The following FLT1 variants were observed in gnomAD, a reference collection of about 807,000 sequenced individuals.
FLT1 encodes vascular endothelial growth factor receptor 1.
FLT1 carries 49 observed loss-of-function variants against 156.3 expected under a neutral mutation model. The ratio of observed to expected loss-of-function variants is 0.31; its 90% CI spans 0.25 to 0.40. The LOEUF (loss-of-function observed/expected upper bound fraction) is 0.40, where lower values mean the gene tolerates loss of function less well. FLT1 is among the 10% of genes least tolerant of loss of function. FLT1 has a pLI of 1.00. For synonymous variants in FLT1, 594 were observed against 583.8 expected (o/e 1.02, Z -0.25); for missense variants, 1,322 against 1,637.2 (o/e 0.81, Z 3.32).
At position 28,321,487 on chromosome 13, in the gene FLT1, G is replaced by A. The variant is rs2138830050; in HGVS notation, c.3150C>T (p.Asn1050=). 1 of 1,614,090 alleles carries A rather than the reference G, an allele frequency of 6.2e-7. No individual in the cohort carries two copies. The highest frequency in any genetic ancestry group is 8.5e-7 in the Non-Finnish European group (1 of 1,179,970). The change falls in exon 23 of 30, where the codon AAC becomes AAT. Residue 1050 remains asparagine (N), a synonymous_variant. Coordinates refer to ENST00000282397, the MANE Select transcript of FLT1 (RefSeq NM_002019.4). ...DFGLARDIYK[N]PDYVRKGDTR... is the part of the protein sequence containing the mutation. ...CATCTCCTTTTCTCACATAATCGGGGTTCTTATAAATATCCCGGGCAAGGC... is the reference window on the plus strand; with the variant it reads ...CATCTCCTTTTCTCACATAATCGGGATTCTTATAAATATCCCGGGCAAGGC...
chr13:28,450,979 G>A (rs6490304), intron 3 of FLT1, among the ~76,000 whole-genome samples: 63,690 of 152,034 alleles, frequency 0.42, 14,687 homozygotes, highest in African/African-American at 0.62. Context: ...AACAGGGGTA[G>A]CATGGGGCCT....
At chr13:28,379,176 C>G (rs1873970395) in intron 14 of FLT1, among the ~76,000 whole-genome samples, 1 of 152,042 alleles carries the variant, frequency 6.6e-6, no homozygotes, top group South Asian at 2.1e-4. Context: ...AACCCTGTTT[C>G]TACTAAAAAT....
At chr13:28,310,580 G>A (rs186265816) in intron 27 of FLT1, among the ~76,000 whole-genome samples, 11 of 152,260 alleles carry the variant, frequency 7.2e-5, no homozygotes, top group South Asian at 2.1e-4. Context: ...CCCAGGTTTC[G>A]TGCACGCCTA....
At chr13:28,312,764 C>T (rs1329745731) in intron 25 of FLT1, among the ~76,000 whole-genome samples, 1 of 152,024 alleles carries the variant, frequency 6.6e-6, no homozygotes, top group Non-Finnish European at 1.5e-5. Context: ...AGCAAGGTTC[C>T]TGTGTGTAGC....
At chr13:28,433,593 A>G (rs9551471) in intron 6 of FLT1, among the ~76,000 whole-genome samples, 35,062 of 152,046 alleles carry the variant, frequency 0.23, 4,715 homozygotes, top group Non-Finnish European at 0.31. Context: ...ACCAGTCTAC[A>G]CTCTTCAAAA....
chr13:28,395,131 T>A (rs796203255), intron 12 of FLT1, among the ~76,000 whole-genome samples: 4 of 152,322 alleles, frequency 2.6e-5, no homozygotes, highest in African/African-American at 9.6e-5. Flanking sequence ...TCTAAATTGA[T>A]CCTGACCTCT....
At chr13:28,351,445 T>C (rs1366279615) in intron 15 of FLT1, among the ~76,000 whole-genome samples, 1 of 152,312 alleles carries the variant, frequency 6.6e-6, no homozygotes. Flanking sequence ...CATAAGCCAC[T>C]CAACCAGTGC....
chr13:28,331,590 C>T (rs893920605), intron 18 of FLT1, among the ~76,000 whole-genome samples: 4 of 152,140 alleles, frequency 2.6e-5, no homozygotes, highest in Admixed American at 1.3e-4. Context: ...ACCACCACGC[C>T]CGGCTAATTT....
chr13:28,442,262 C>A (rs1878371161), intron 3 of FLT1, among the ~76,000 whole-genome samples: 1 of 151,608 alleles, frequency 6.6e-6, no homozygotes, highest in African/African-American at 2.4e-5. Context: ...TAAACACAAA[C>A]ACTAAGAAAT....
In FLT1 at chr13:28,390,018, A is replaced by C; in HGVS notation, c.1747T>G (p.Leu583Val). Residue 583 changes from leucine to valine, a missense_variant, in exon 13 of 30, where the codon TTA (leucine) becomes GTA (valine). Physicochemically the swap from Leu to Val is conservative, Grantham distance 32. This residue lies in a region of FLT1 where 991 missense variants were observed against 1,254.8 expected (regional missense o/e 0.79). Coordinates refer to ENST00000282397, the MANE Select transcript of FLT1 (RefSeq NM_002019.4). ...LKLSCTVNKF[L>V]YRDVTWILLR... ...AAAATCCAAGTAACGTCTCTGTATA[A>C]GAACTTGTTAACTGTGCAAGACAGT... The C allele has an allele frequency of 6.2e-7, 1 of 1,614,244 alleles. No individual in the cohort carries two copies. The highest frequency in any genetic ancestry group is 8.5e-7 in the Non-Finnish European group (1 of 1,180,036).
chr13:28,333,767 A>G (rs1872014489), intron 18 of FLT1, among the ~76,000 whole-genome samples: 1 of 152,196 alleles, frequency 6.6e-6, no homozygotes, highest in African/African-American at 2.4e-5. Flanking sequence ...GTGATGTGAG[A>G]TGAGAAAGAC....
At chr13:28,345,884 A>C in intron 15 of FLT1, 1 of 262,506 alleles carries the variant, frequency 3.8e-6, no homozygotes, top group East Asian at 7.9e-5. Context: ...GGAAAAAATT[A>C]AGGCAGGAAC....
At chr13:28,397,368 C>T (rs1005075314) in intron 11 of FLT1, among the ~76,000 whole-genome samples, 1 of 152,124 alleles carries the variant, frequency 6.6e-6, no homozygotes, top group African/African-American at 2.4e-5. Context: ...AGATGTGGGA[C>T]TGCACGTCCT....
At chr13:28,355,122 GGCACCTCAGGAATGA>G (rs1238153104) in intron 15 of FLT1, among the ~76,000 whole-genome samples, 1 of 152,208 alleles carries the variant, frequency 6.6e-6, no homozygotes, top group Non-Finnish European at 1.5e-5. Flanking sequence ...AACTTCCTAA[GGCACCTCAGGAATGA>G]GAAGAGCAGA....
At chr13:28,411,546 C>CAAAAAAA (rs71086852) in intron 10 of FLT1, among the ~76,000 whole-genome samples, 1 of 84,740 alleles carries the variant, frequency 1.2e-5, no homozygotes, top group Non-Finnish European at 2.3e-5. Context: ...AACTCCATCT[C>CAAAAAAA]AAAAAAAAAA....
chr13:28,338,191 T>C (rs1325949594), intron 17 of FLT1, among the ~76,000 whole-genome samples: 1 of 152,032 alleles, frequency 6.6e-6, no homozygotes, highest in Non-Finnish European at 1.5e-5. Context: ...CATTTTCCTC[T>C]CTCTGCCCCC....
At chr13:28,474,523 C>A (rs987561646) in intron 1 of FLT1, among the ~76,000 whole-genome samples, 1 of 139,966 alleles carries the variant, frequency 7.1e-6, no homozygotes, top group Non-Finnish European at 1.6e-5. Flanking sequence ...CACACACACA[C>A]AAACCCCACA....
chr13:28,427,670 G>T, intron 9 of FLT1, 82 bp downstream of exon 9: 4 of 1,237,824 alleles, frequency 3.2e-6, no homozygotes, highest in Admixed American at 1.7e-5. Flanking sequence ...CTTTGATGTT[G>T]TTACGCTGAT....
chr13:28,423,330 A>T (rs1877129126), intron 10 of FLT1, among the ~76,000 whole-genome samples: 1 of 151,848 alleles, frequency 6.6e-6, no homozygotes, highest in Non-Finnish European at 1.5e-5. Context: ...CTTTTGTCTA[A>T]CTCTTCTGTA....
Sources: allele counts gnomAD v4.1 joint callset (sites outside exome capture counted in the v4.1 genomes callset), GRCh38; gene constraint gnomAD v4.1.1; regional missense constraint gnomAD v4.1.1; transcripts MANE v1.5; gene names NCBI Gene and HGNC (gene_info 2026-07-23, HGNC 2026-07-21).